The following TBC1D22A variants were observed in gnomAD, a reference collection of about 807,000 sequenced individuals.
The protein encoded by TBC1D22A is TBC1 domain family member 22A.
In TBC1D22A, 38 loss-of-function variants were observed where a neutral mutation model predicts 60.2. The ratio of observed to expected loss-of-function variants is 0.63; its 90% CI spans 0.49 to 0.83. The LOEUF (loss-of-function observed/expected upper bound fraction) is 0.83. Ranked by LOEUF, TBC1D22A falls within the 40% of genes least tolerant of loss-of-function variation. The pLI is 0.00. For synonymous variants in TBC1D22A, 302 were observed against 281.7 expected (o/e 1.07, Z -0.72); for missense variants, 628 against 701.0 (o/e 0.90, Z 1.18).
intron 7 of TBC1D22A, among the ~76,000 whole-genome samples, chr22:46,898,212 G>C (rs2068786907): frequency 6.6e-6 from 1 of 152,142 alleles, no homozygotes; most frequent in Non-Finnish European, 1.5e-5. Flanking sequence ...TCAGAGTGTG[G>C]ACCCTGAGTC....
rs67463903 is a variant in TBC1D22A, at chr22:46,932,720, C to CTTTTTTTTTTT, written c.1015+20544_1015+20554dup. On this transcript the variant is annotated intron_variant, in intron 8 of 12. Transcript: ENST00000337137. ...AGTGCAGTGTGCGTTGTCCTTCTTGCTTTTTTTTTTTTTTTTTTTTTTGAG... is the reference window on the plus strand; with the variant it reads ...AGTGCAGTGTGCGTTGTCCTTCTTGCTTTTTTTTTTTTTTTTTTTTTTTTTTTTTTTTTGAG... Among the ~76,000 whole-genome samples the CTTTTTTTTTTT allele has an allele frequency of 1.0e-3, 68 of 66,322 alleles. 6 individuals are homozygous for CTTTTTTTTTTT. Among genetic ancestry groups the CTTTTTTTTTTT allele is most frequent in the African/African-American group, 4.2e-3 (62 of 14,754 alleles). 43.5% of individuals were successfully genotyped at this position (66,322 alleles called of 152,430 possible).
intron 12 of TBC1D22A, among the ~76,000 whole-genome samples, chr22:47,167,960 T>C (rs1307515433): frequency 6.6e-6 from 1 of 151,750 alleles, no homozygotes; most frequent in African/African-American, 2.4e-5. Context: ...CTGTCTCCTG[T>C]TGCTATCACT....
intron 11 of TBC1D22A, among the ~76,000 whole-genome samples, chr22:47,108,559 G>A (rs2065725168): frequency 6.6e-6 from 1 of 152,204 alleles, no homozygotes; most frequent in South Asian, 2.1e-4. Flanking sequence ...CTCAAAGGGA[G>A]GATTTACAAA....
At chr22:47,006,656 G>GT (rs2061601537) in intron 10 of TBC1D22A, among the ~76,000 whole-genome samples, 1 of 152,140 alleles carries the variant, frequency 6.6e-6, no homozygotes, top group South Asian at 2.1e-4. Flanking sequence ...TCAGCTTTGC[G>GT]TTTTCTCCCC....
intron 8 of TBC1D22A, among the ~76,000 whole-genome samples, chr22:46,972,863 G>C (rs2074127365): frequency 6.6e-6 from 1 of 152,176 alleles, no homozygotes; most frequent in Non-Finnish European, 1.5e-5. Flanking sequence ...ACCCCAGAGA[G>C]AGGAGTGATG....
At chr22:46,868,518 T>A (rs1331301095) in intron 4 of TBC1D22A, among the ~76,000 whole-genome samples, 1 of 152,046 alleles carries the variant, frequency 6.6e-6, no homozygotes, top group Non-Finnish European at 1.5e-5. Context: ...GCTTTTTGGA[T>A]AAGGGAGACT....
chr22:46,957,973 G>A (rs136087), intron 8 of TBC1D22A, among the ~76,000 whole-genome samples: 28,936 of 151,878 alleles, frequency 0.19, 2,958 homozygotes, highest in East Asian at 0.27. Flanking sequence ...AACTGGTGAT[G>A]GCAGAACCCC....
At chr22:46,766,199 G>C (rs868838443) in intron 1 of TBC1D22A, among the ~76,000 whole-genome samples, 4 of 151,846 alleles carry the variant, frequency 2.6e-5, no homozygotes. Flanking sequence ...GGGTTTCACC[G>C]TGCTAGCCAG....
chr22:47,133,029 G>C (rs2066734817), intron 12 of TBC1D22A, among the ~76,000 whole-genome samples: 1 of 152,186 alleles, frequency 6.6e-6, no homozygotes, highest in Admixed American at 6.5e-5. Context: ...TGCTCATTGA[G>C]ATATGGAAAA....
rs13056264 is a variant in TBC1D22A at position 46,860,026 on chromosome 22, T to C, written c.638-18627T>C. On this transcript the variant is annotated intron_variant, in intron 4 of 12. Transcript: ENST00000337137. ...GTCCGCGCAGTGCCGTGCCCCTTCC[T>C]GGGACCAGAATCCTTTTCCATAGAG... Among the ~76,000 whole-genome samples the C allele has an allele frequency of 2.5e-3, 39 of 15,742 alleles. 3 individuals are homozygous for C. The highest frequency in any genetic ancestry group is 7.5e-3 in the African/African-American group (8 of 1,060). The allele number at this position is 15,742 out of a possible 152,430, so 10.3% of individuals were successfully genotyped here. A position where few individuals can be genotyped will look rare whatever the true frequency, so the allele number is the denominator to read the frequency against.
chr22:46,993,995 C>G (rs372755371), intron 9 of TBC1D22A, among the ~76,000 whole-genome samples: 80 of 152,362 alleles, frequency 5.3e-4, no homozygotes, highest in African/African-American at 1.9e-3. Context: ...CTGGCCTTCT[C>G]CGCCCCTAGC....
chr22:47,076,084 C>G (rs572462915), intron 11 of TBC1D22A, among the ~76,000 whole-genome samples: 1 of 152,154 alleles, frequency 6.6e-6, no homozygotes, highest in African/African-American at 2.4e-5. Flanking sequence ...ATTGACAAAT[C>G]TGTAATCATT....
intron 4 of TBC1D22A, among the ~76,000 whole-genome samples, chr22:46,856,296 A>G (rs2147314743): frequency 6.6e-6 from 1 of 152,214 alleles, no homozygotes; most frequent in Non-Finnish European, 1.5e-5. Flanking sequence ...CAATCTTGTT[A>G]TTGACTCTAC....
At chr22:46,870,094 G>A (rs1446005332) in intron 4 of TBC1D22A, among the ~76,000 whole-genome samples, 3 of 152,192 alleles carry the variant, frequency 2.0e-5, no homozygotes, top group Non-Finnish European at 4.4e-5. Flanking sequence ...GTTTCCCCAT[G>A]TATTGTCTCT....
intron 11 of TBC1D22A, among the ~76,000 whole-genome samples, chr22:47,084,217 A>G (rs749990116): frequency 2.6e-5 from 4 of 152,222 alleles, no homozygotes; most frequent in Non-Finnish European, 4.4e-5. Flanking sequence ...CACTCGTCAC[A>G]GTTGAGGTAC....
rs1461189381 is a variant in TBC1D22A at position 47,173,706 on chromosome 22, C to A, written c.*80C>A. On this transcript the variant is annotated 3_prime_UTR_variant, in exon 13 of 13. Coordinates refer to ENST00000337137, the MANE Select transcript of TBC1D22A (RefSeq NM_014346.5). ...CTGGCTGGTGGTAGGCCCCTGTGAGCTGGTCCCGGGCTGCTAAAAGGCCTT... is the reference window on the plus strand; with the variant it reads ...CTGGCTGGTGGTAGGCCCCTGTGAGATGGTCCCGGGCTGCTAAAAGGCCTT... 5 of 1,594,886 alleles carry A rather than the reference C, an allele frequency of 3.1e-6. No individual in the cohort carries two copies. The highest frequency in any genetic ancestry group is 4.3e-6 in the Non-Finnish European group (5 of 1,169,730).
chr22:46,955,843 C>A (rs150082689), intron 8 of TBC1D22A, among the ~76,000 whole-genome samples: 1 of 152,300 alleles, frequency 6.6e-6, no homozygotes, highest in Non-Finnish European at 1.5e-5. Context: ...AGCCCAGTGC[C>A]TCCCTGTCCC....
intron 7 of TBC1D22A, among the ~76,000 whole-genome samples, chr22:46,903,180 ACCT>A (rs2069134204): frequency 6.6e-6 from 1 of 151,972 alleles, no homozygotes; most frequent in African/African-American, 2.4e-5. Flanking sequence ...GGGGTCACAG[ACCT>A]CAGCCTGGTG....
chr22:47,049,863 A>T lies in TBC1D22A; in HGVS notation c.1329+12665A>T, dbSNP rs573782531. 4.1e-4 allele frequency among the ~76,000 whole-genome samples: 62 copies of T among 152,302 alleles called. No individual in the cohort carries two copies. In the East Asian group the frequency reaches 0.01, roughly 25 times the overall value. Reference sequence around the variant, plus strand: ...TGCTTAAAGCTTTTTCTGTATTTAGAAATAGTCCCGTAAAAGAGGTGTTCA... The same window carrying T: ...TGCTTAAAGCTTTTTCTGTATTTAGTAATAGTCCCGTAAAAGAGGTGTTCA... On this transcript the variant is annotated intron_variant, in intron 11 of 12. Transcript: ENST00000337137.
Sources: gnomAD v4.1 joint callset for allele counts (sites outside exome capture counted in the v4.1 genomes callset) on GRCh38, gnomAD v4.1.1 for gene constraint, MANE v1.5 for transcripts, NCBI Gene and HGNC (gene_info 2026-07-23, HGNC 2026-07-21) for gene names.